Variants in SPECC1L observed in about 807,000 individuals in gnomAD.
The protein encoded by SPECC1L is sperm antigen with calponin homology and coiled-coil domains 1 like, also known as cytospin-A.
SPECC1L carries 40 observed loss-of-function variants against 116.8 expected under a neutral mutation model. The observed-to-expected ratio is 0.34, with a 90% CI of 0.27 to 0.45. The LOEUF (loss-of-function observed/expected upper bound fraction) is 0.45, where lower values mean the gene tolerates loss of function less well. Among genes scored for constraint, SPECC1L ranks in the 20% least tolerant of loss-of-function variants. The pLI is 1.00. For missense variants in SPECC1L, 1,110 were observed against 1,373.6 expected (o/e 0.81, Z 3.03); for synonymous variants, 504 against 500.6 (o/e 1.01, Z -0.09).
intron 2 of SPECC1L, among the ~76,000 whole-genome samples, chr22:24,289,634 C>G (rs1214474451): frequency 6.6e-6 from 1 of 151,070 alleles, no homozygotes; most frequent in Non-Finnish European, 1.5e-5. Context: ...TTGGCCAAAA[C>G]AAGTGGGAAT....
At position 24,302,209 on chromosome 22, in the gene SPECC1L, G is replaced by A. The variant is rs200868053; in HGVS notation, c.-23G>A. On this transcript the variant is annotated 5_prime_UTR_variant, in exon 3 of 17. An upstream start codon of the reference 5' UTR is lost. Transcript: ENST00000314328. ...TTTTCCCACAGATTTGCTTGTAAAT[G>A]CATCACGAAGAGGCAGCCCAGAATG... 390 of 1,613,578 alleles carry A rather than the reference G, an allele frequency of 2.4e-4. No individual in the cohort carries two copies. The highest frequency in any genetic ancestry group is 3.3e-4 in the Non-Finnish European group (386 of 1,179,780).
At chr22:24,338,317 T>G in intron 9 of SPECC1L, 69 bp from the exon 10 acceptor site, 1 of 1,492,070 alleles carries the variant, frequency 6.7e-7, no homozygotes, top group Non-Finnish European at 9.3e-7. Context: ...GGCGAGTCCT[T>G]AAGTGGAGAC....
chr22:24,315,992 T>C (rs151234872), intron 4 of SPECC1L, among the ~76,000 whole-genome samples: 77 of 152,338 alleles, frequency 5.1e-4, no homozygotes, highest in Admixed American at 1.3e-3. Flanking sequence ...CTCTTTAACT[T>C]CATTATCCTG....
intron 11 of SPECC1L, among the ~76,000 whole-genome samples, chr22:24,358,793 A>T (rs1007118263): frequency 6.6e-6 from 1 of 152,150 alleles, no homozygotes; most frequent in East Asian, 1.9e-4. Context: ...TTTAAAATCT[A>T]TTTACCTATA....
intron 4 of SPECC1L, among the ~76,000 whole-genome samples, chr22:24,317,546 C>T (rs1229709456): frequency 7.2e-6 from 1 of 138,826 alleles, no homozygotes; most frequent in African/African-American, 2.6e-5. Flanking sequence ...CCTCACTTCC[C>T]AGTAGGGGCG....
At chr22:24,294,102 TCTGTATTCTAGCCATA>T (rs1342971510) in intron 2 of SPECC1L, among the ~76,000 whole-genome samples, 2 of 54,168 alleles carry the variant, frequency 3.7e-5, no homozygotes, top group East Asian at 7.8e-4. Context: ...TTTTGACATT[TCTGTATTCTAGCCATA>T]CTGTATTCTA....
intron 14 of SPECC1L, among the ~76,000 whole-genome samples, chr22:24,373,726 A>G (rs1309456465): frequency 1.3e-5 from 2 of 152,240 alleles, no homozygotes; most frequent in Admixed American, 1.3e-4. Flanking sequence ...CAAGGACTTC[A>G]TGTTTAAAAC....
At chr22:24,384,850 G>A (rs2042129976) in intron 14 of SPECC1L, among the ~76,000 whole-genome samples, 1 of 152,148 alleles carries the variant, frequency 6.6e-6, no homozygotes, top group Admixed American at 6.5e-5. Flanking sequence ...GCCAAGGTGG[G>A]CGGATCATGA....
At chr22:24,393,586 T>A (rs1479243043) in intron 14 of SPECC1L, among the ~76,000 whole-genome samples, 1 of 152,198 alleles carries the variant, frequency 6.6e-6, no homozygotes, top group Non-Finnish European at 1.5e-5. Context: ...CTACATTCAG[T>A]TAAAAAGCTC....
At chr22:24,384,174 C>T (rs372142443) in intron 14 of SPECC1L, among the ~76,000 whole-genome samples, 2 of 150,408 alleles carry the variant, frequency 1.3e-5, no homozygotes, top group Non-Finnish European at 1.5e-5. Context: ...TGGGTTATAC[C>T]AAAAGAGAGG....
chr22:24,412,207 A>C (rs959288877), intron 15 of SPECC1L: 1 of 355,022 alleles, frequency 2.8e-6, no homozygotes, highest in Non-Finnish European at 5.5e-6. Context: ...AAGAAGCCCT[A>C]CCCAGAGGGC....
At chr22:24,370,955 T>C (rs2041859946) in intron 14 of SPECC1L, among the ~76,000 whole-genome samples, 1 of 152,136 alleles carries the variant, frequency 6.6e-6, no homozygotes, top group African/African-American at 2.4e-5. Context: ...GTACACAGTT[T>C]AGTTTTACAA....
chr22:24,312,767 G>A (rs1341653663), intron 3 of SPECC1L, among the ~76,000 whole-genome samples: 1 of 152,130 alleles, frequency 6.6e-6, no homozygotes, highest in African/African-American at 2.4e-5. Flanking sequence ...TTCTCAAACT[G>A]TAAAGCCTCT....
At chr22:24,287,092 G>A (rs1459088021) in intron 2 of SPECC1L, among the ~76,000 whole-genome samples, 3 of 152,152 alleles carry the variant, frequency 2.0e-5, no homozygotes, top group African/African-American at 4.8e-5. Context: ...CTAAGGACAC[G>A]GCAGTGGAGC....
In SPECC1L at chr22:24,311,300, C is replaced by T. The variant is rs1028326465; in HGVS notation, c.154-2013C>T. Among the ~76,000 whole-genome samples the T allele has an allele frequency of 5.9e-5, 9 of 151,916 alleles. No homozygotes were observed. The East Asian group carries it at 7.7e-4, about 13-fold the overall frequency. On this transcript the variant is annotated intron_variant, in intron 3 of 16. Transcript: ENST00000314328. ...TTATCAAATGGAAGAATTTAACTTA[C>T]GGAGGAAGAAAGATTAGTTCAAAGA... is the stretch of plus-strand genomic sequence containing the variant.
chr22:24,317,079 G>T (rs867684386), intron 4 of SPECC1L, among the ~76,000 whole-genome samples: 4 of 116,926 alleles, frequency 3.4e-5, no homozygotes, highest in African/African-American at 6.0e-5. Context: ...CTGGCCGGGC[G>T]GTGGGGCTGA....
chr22:24,371,229 G>A (rs2041865019), intron 14 of SPECC1L, among the ~76,000 whole-genome samples: 1 of 152,144 alleles, frequency 6.6e-6, no homozygotes, highest in South Asian at 2.1e-4. Context: ...CCCAATAATA[G>A]CAGAATACAC....
At chr22:24,285,551 G>C (rs1283632531) in intron 2 of SPECC1L, among the ~76,000 whole-genome samples, 4 of 152,184 alleles carry the variant, frequency 2.6e-5, no homozygotes, top group South Asian at 4.1e-4. Flanking sequence ...AATGTCCCAG[G>C]CTGCTCCTAT....
At chr22:24,296,021 T>G (rs548128276) in intron 2 of SPECC1L, among the ~76,000 whole-genome samples, 1 of 152,190 alleles carries the variant, frequency 6.6e-6, no homozygotes, top group African/African-American at 2.4e-5. Context: ...CAGGTTGAGC[T>G]GTGTAGTTTT....
Sources: gnomAD v4.1 joint callset for allele counts (sites outside exome capture counted in the v4.1 genomes callset) on GRCh38, gnomAD v4.1.1 for gene constraint, MANE v1.5 for transcripts, NCBI Gene and HGNC (gene_info 2026-07-23, HGNC 2026-07-21) for gene names.